ZNF804B: variants seen among roughly 807,000 people sequenced by gnomAD.
ZNF804B encodes zinc finger protein 804B.
Under a neutral mutation model 101.4 loss-of-function variants are expected in ZNF804B, and 80 were observed. The ratio of observed to expected loss-of-function variants is 0.79; its 90% confidence interval spans 0.66 to 0.95. The LOEUF (loss-of-function observed/expected upper bound fraction) is 0.95. ZNF804B is among the 40% of genes least tolerant of loss of function. The pLI is 0.00. For synonymous variants in ZNF804B, 622 were observed against 558.8 expected, an observed-to-expected ratio of 1.11 and a Z score of -1.59; for missense variants, 1,673 against 1,561.9, an observed-to-expected ratio of 1.07 and a Z score of -1.20.
Position 89,333,897 on chromosome 7 carries a change from C to T in ZNF804B, c.915C>T (p.Asp305=), listed in dbSNP as rs372282374. 9 of 1,514,998 alleles carry T rather than the reference C, an allele frequency of 5.9e-6. No individual in the cohort carries two copies. In the African/African-American group the frequency reaches 1.3e-4, roughly 21 times the overall value. The allele number at this position is 1,514,998 out of a possible 1,614,324, so 93.8% of individuals were successfully genotyped here. A position where few individuals can be genotyped will look rare whatever the true frequency, so the allele number is the denominator to read the frequency against. Reference sequence around the variant, plus strand: ...CCATAAACTCTAAAATTTTGCAAGACAAACACGACTCTATTGATGAGACAC... The same window carrying T: ...CCATAAACTCTAAAATTTTGCAAGATAAACACGACTCTATTGATGAGACAC... ...TISINSKILQ[D]KHDSIDETLE... The change falls in exon 4 of 4, where the codon GAC becomes GAT. Residue 305 remains aspartate (D), a synonymous_variant. Coordinates refer to ENST00000333190, the MANE Select transcript of ZNF804B (RefSeq NM_181646.5).
chr7:88,925,012 A>T (rs527872237), intron 1 of ZNF804B, among the ~76,000 whole-genome samples: 1 of 152,324 alleles, frequency 6.6e-6, no homozygotes, highest in East Asian at 1.9e-4. Flanking sequence ...CTAGGACTGC[A>T]TTATGTCTGT....
intron 1 of ZNF804B, among the ~76,000 whole-genome samples, chr7:88,907,780 T>G (rs910064179): frequency 2.6e-5 from 4 of 152,024 alleles, no homozygotes; most frequent in African/African-American, 9.7e-5. Context: ...CCAATTGTCT[T>G]CTACCAAACT....
At chr7:88,954,998 C>T (rs1417795724) in intron 1 of ZNF804B, among the ~76,000 whole-genome samples, 8 of 150,760 alleles carry the variant, frequency 5.3e-5, no homozygotes, top group East Asian at 2.0e-4. Context: ...TTGCGGCTCA[C>T]GGTTATAATC....
intron 2 of ZNF804B, among the ~76,000 whole-genome samples, chr7:89,233,785 C>G (rs1409843878): frequency 6.6e-6 from 1 of 152,094 alleles, no homozygotes; most frequent in African/African-American, 2.4e-5. Context: ...ATTACAGGCA[C>G]ATGCCACCAT....
At chr7:89,084,701 G>A (rs947922330) in intron 1 of ZNF804B, among the ~76,000 whole-genome samples, 34 of 151,834 alleles carry the variant, frequency 2.2e-4, no homozygotes, top group Non-Finnish European at 4.4e-4. Context: ...GTCTTCAAAT[G>A]TTTAGATAAC....
At chr7:89,032,778 A>C (rs746803563) in intron 1 of ZNF804B, among the ~76,000 whole-genome samples, 5 of 152,088 alleles carry the variant, frequency 3.3e-5, no homozygotes, top group Admixed American at 6.6e-5. Flanking sequence ...CTACCTGGGA[A>C]TGCAGAAACT....
chr7:89,064,744 A>AAGGGAAGTTCCG, intron 1 of ZNF804B, among the ~76,000 whole-genome samples: 1 of 152,252 alleles, frequency 6.6e-6, no homozygotes, highest in East Asian at 1.9e-4. Flanking sequence ...GCTTCCTTGT[A>AAGGGAAGTTCCG]ATTATCTCTC....
At chr7:89,093,209 TA>T (rs1789921883) in intron 1 of ZNF804B, among the ~76,000 whole-genome samples, 1 of 152,192 alleles carries the variant, frequency 6.6e-6, no homozygotes, top group South Asian at 2.1e-4. Context: ...CTAGTATACA[TA>T]AATGATGCTT....
chr7:88,841,383 A>G lies in ZNF804B; in HGVS notation c.108+81299A>G, dbSNP rs188155577. ...CCAAACAATGGGCAATCAATCTATT[A>G]AGTAAGCCCACATAATAAAGCCACA... On this transcript the variant is annotated intron_variant, in intron 1 of 3. Transcript: ENST00000333190. Among the ~76,000 whole-genome samples the G allele has an allele frequency of 6.0e-3, 911 of 152,292 alleles. 5 individuals carry two copies. The highest frequency in any genetic ancestry group is 9.9e-3 in the Non-Finnish European group (672 of 68,014).
chr7:88,777,143 T>C (rs961549285), intron 1 of ZNF804B, among the ~76,000 whole-genome samples: 1 of 152,182 alleles, frequency 6.6e-6, no homozygotes, highest in African/African-American at 2.4e-5. Context: ...CCCACAGTCC[T>C]GCTGGTGCTA....
chr7:89,279,486 G>T (rs1790045887), intron 2 of ZNF804B, among the ~76,000 whole-genome samples: 1 of 150,422 alleles, frequency 6.6e-6, no homozygotes, highest in Non-Finnish European at 1.5e-5. Context: ...TTGGCTGTGG[G>T]TTTGTCATAG....
chr7:88,831,400 G>A (rs1791130423), intron 1 of ZNF804B, among the ~76,000 whole-genome samples: 1 of 151,840 alleles, frequency 6.6e-6, no homozygotes, highest in Non-Finnish European at 1.5e-5. Context: ...AAGCCATCAT[G>A]ATTATTAAAT....
At chr7:89,333,302 A>G in intron 3 of ZNF804B, 61 bp from the exon 4 acceptor site, 1 of 1,399,900 alleles carries the variant, frequency 7.1e-7, no homozygotes, top group East Asian at 2.5e-5. Context: ...TGAAATGTTC[A>G]TATGTAGATA....
intron 1 of ZNF804B, among the ~76,000 whole-genome samples, chr7:88,829,111 A>G (rs1288848033): frequency 6.6e-6 from 1 of 152,058 alleles, no homozygotes; most frequent in Non-Finnish European, 1.5e-5. Context: ...TTAAGACAAG[A>G]TCTCTCTCTG....
At chr7:88,859,241 G>A (rs1014648529) in intron 1 of ZNF804B, among the ~76,000 whole-genome samples, 1 of 151,806 alleles carries the variant, frequency 6.6e-6, no homozygotes, top group Non-Finnish European at 1.5e-5. Flanking sequence ...TAATATTTAG[G>A]TGTAGTGTTT....
intron 1 of ZNF804B, among the ~76,000 whole-genome samples, chr7:88,807,557 C>T (rs1222907214): frequency 6.6e-6 from 1 of 152,122 alleles, no homozygotes; most frequent in African/African-American, 2.4e-5. Context: ...TGTCTGAAGC[C>T]AGCATCTATT....
At chr7:89,066,368 C>A (rs1437211969) in intron 1 of ZNF804B, among the ~76,000 whole-genome samples, 1 of 151,944 alleles carries the variant, frequency 6.6e-6, no homozygotes, top group African/African-American at 2.4e-5. Context: ...GATCAAATTG[C>A]AATAAAATCA....
intron 1 of ZNF804B, among the ~76,000 whole-genome samples, chr7:89,099,557 G>T (rs894510103): frequency 6.6e-6 from 1 of 152,064 alleles, no homozygotes; most frequent in Admixed American, 6.6e-5. Context: ...TCAGGTAGAC[G>T]GTGGGCTTCA....
At chr7:88,884,299 ATATT>A (rs1003227046) in intron 1 of ZNF804B, among the ~76,000 whole-genome samples, 1 of 151,810 alleles carries the variant, frequency 6.6e-6, no homozygotes, top group African/African-American at 2.4e-5. Context: ...AATACAGAGG[ATATT>A]ATTTAATTTC....
Sources: gnomAD v4.1 joint callset for allele counts (sites outside exome capture counted in the v4.1 genomes callset) on GRCh38, gnomAD v4.1.1 for gene constraint, MANE v1.5 for transcripts, NCBI Gene and HGNC (gene_info 2026-07-23, HGNC 2026-07-21) for gene names.